The following MCPH1 variants were observed in gnomAD, a reference collection of about 807,000 sequenced individuals.
MCPH1 encodes the protein microcephalin 1.
Under a neutral mutation model 84.5 loss-of-function variants are expected in MCPH1, and 104 were observed. The ratio of observed to expected loss-of-function variants is 1.23; its 90% CI spans 1.05 to 1.45. The LOEUF (loss-of-function observed/expected upper bound fraction) is 1.45. Among genes scored for constraint, MCPH1 ranks in the 40% most tolerant of loss-of-function variants. MCPH1 has a pLI of 0.00. For missense variants in MCPH1, 1,498 were observed against 1,005.7 expected, an observed-to-expected ratio of 1.49 and a Z score of -6.62; for synonymous variants, 514 against 366.8, an observed-to-expected ratio of 1.40 and a Z score of -4.58.
Position 6,512,030 on chromosome 8 carries a change from G to A in MCPH1, c.2214+12101G>A, listed in dbSNP as rs139365350. 3.8e-3 allele frequency among the ~76,000 whole-genome samples: 578 copies of A among 151,416 alleles called. 5 individuals carry two copies. Among genetic ancestry groups the A allele is most frequent in the Admixed American group, 5.1e-3 (77 of 15,198 alleles). On this transcript the variant is annotated intron_variant, in intron 12 of 13. Coordinates refer to ENST00000344683, the MANE Select transcript of MCPH1 (RefSeq NM_024596.5). Reference sequence around the variant, plus strand: ...ATTCATTGAAGTTTTGATCTCTTTGGAGTCAAGTTGGAACTGCTGTGAGGC... The same window carrying A: ...ATTCATTGAAGTTTTGATCTCTTTGAAGTCAAGTTGGAACTGCTGTGAGGC...
chr8:6,541,224 C>T (rs1363556153), intron 12 of MCPH1, among the ~76,000 whole-genome samples: 1 of 152,180 alleles, frequency 6.6e-6, no homozygotes, highest in Non-Finnish European at 1.5e-5. Flanking sequence ...TTCCCTGACA[C>T]AGCAGGGGAT....
At chr8:6,454,039 AAG>A (rs527771768) in intron 8 of MCPH1, among the ~76,000 whole-genome samples, 59 of 152,298 alleles carry the variant, frequency 3.9e-4, no homozygotes, top group Non-Finnish European at 6.8e-4. Flanking sequence ...TGTTTTTGAA[AAG>A]AGTGACAGTT....
intron 9 of MCPH1, among the ~76,000 whole-genome samples, chr8:6,456,379 A>G (rs3020275): frequency 0.28 from 42,437 of 152,154 alleles, 8,088 homozygotes; most frequent in African/African-American, 0.55. Flanking sequence ...GAACGCTCGC[A>G]ACACTGTGGC....
Position 6,499,907 on chromosome 8 carries a change from C to G in MCPH1, c.2192C>G (p.Ser731Cys), listed in dbSNP as rs78564196. Residue 731 changes from serine (S) to cysteine (C), a missense_variant, in exon 12 of 14, where the codon TCT becomes TGT. Physicochemically the swap from Ser to Cys is moderately radical, Grantham distance 112. Coordinates refer to ENST00000344683, the MANE Select transcript of MCPH1 (RefSeq NM_024596.5). ...ATTTCTGAGGAGCCGTTCGAACTGTCTCACCACTTCCCTGCAGCTCCCGTA... is the reference window on the plus strand; with the variant it reads ...ATTTCTGAGGAGCCGTTCGAACTGTGTCACCACTTCCCTGCAGCTCCCGTA... ...HWISEEPFELSHHFPAAPLCR... is the reference protein window; with the variant it reads ...HWISEEPFELCHHFPAAPLCR... The G allele has an allele frequency of 9.3e-6, 15 of 1,613,728 alleles. No individual in the cohort carries two copies. The East Asian group carries it at 1.3e-4, about 14-fold the overall frequency.
intron 5 of MCPH1, among the ~76,000 whole-genome samples, chr8:6,438,053 C>G (rs1026909915): frequency 3.9e-5 from 6 of 152,280 alleles, no homozygotes; most frequent in East Asian, 1.9e-4. Context: ...CTCCAATTTA[C>G]TAGGTGCTTT....
At chr8:6,503,394 A>G (rs1812591463) in intron 12 of MCPH1, 2 of 840,254 alleles carry the variant, frequency 2.4e-6, no homozygotes, top group East Asian at 2.6e-5. Flanking sequence ...GATGGTGAGT[A>G]TAGGATGTGC....
chr8:6,493,205 C>T lies in MCPH1; in HGVS notation c.2137-6647C>T, dbSNP rs572441125. On this transcript the variant is annotated intron_variant, in intron 11 of 13. Transcript: ENST00000344683. ...TACAGTGGTGACATGCTGGGTTTTCCTGGTCATTGCTTAGCTGTATTTATA... is the reference window on the plus strand; with the variant it reads ...TACAGTGGTGACATGCTGGGTTTTCTTGGTCATTGCTTAGCTGTATTTATA... Among the ~76,000 whole-genome samples, 31 of 152,208 alleles carry T rather than the reference C, an allele frequency of 2.0e-4. No individual in the cohort carries two copies. In the South Asian group the frequency reaches 6.4e-3, roughly 32 times the overall value.
At chr8:6,479,685 A>G (rs1808943976) in intron 10 of MCPH1, among the ~76,000 whole-genome samples, 1 of 152,022 alleles carries the variant, frequency 6.6e-6, no homozygotes, top group South Asian at 2.1e-4. Context: ...TCCATTGGGG[A>G]TTTTTTAAAT....
chr8:6,533,812 A>G (rs2129572148), intron 12 of MCPH1, among the ~76,000 whole-genome samples: 1 of 152,196 alleles, frequency 6.6e-6, no homozygotes, highest in Middle Eastern at 3.4e-3. Context: ...ATCAGACATG[A>G]TTTCCCCCAA....
intron 3 of MCPH1, among the ~76,000 whole-genome samples, chr8:6,424,393 G>C (rs1419419268): frequency 6.6e-6 from 1 of 152,148 alleles, no homozygotes; most frequent in African/African-American, 2.4e-5. Flanking sequence ...GTGTTTGCTG[G>C]AAACAGGGAC....
At chr8:6,452,665 G>T (rs928139908) in intron 8 of MCPH1, among the ~76,000 whole-genome samples, 4 of 152,174 alleles carry the variant, frequency 2.6e-5, no homozygotes, top group African/African-American at 9.7e-5. Context: ...ATGAGATTAG[G>T]ACCATTATAA....
At chr8:6,543,002 G>A (rs1821888907) in intron 12 of MCPH1, among the ~76,000 whole-genome samples, 1 of 152,096 alleles carries the variant, frequency 6.6e-6, no homozygotes, top group Non-Finnish European at 1.5e-5. Context: ...AAAGGGAGAG[G>A]AGCGGACTTG....
Position 6,444,318 on chromosome 8 carries a change from A to T in MCPH1, c.671-75A>T, listed in dbSNP as rs545957269. On this transcript the variant is annotated intron_variant, in intron 7 of 13. Transcript: ENST00000344683. ...ATAGCTGTACTTTAAAAGTTGTTTT[A>T]TTGGTCAACTGAAAGTTGAATATAG... The T allele has an allele frequency of 2.6e-6, 4 of 1,554,656 alleles. No homozygotes were observed. In the African/African-American group the frequency reaches 4.1e-5, roughly 16 times the overall value.
chr8:6,608,712 G>C (rs529913372), intron 12 of MCPH1, among the ~76,000 whole-genome samples: 1 of 152,296 alleles, frequency 6.6e-6, no homozygotes, highest in East Asian at 1.9e-4. Context: ...GCTCGGAGTT[G>C]GGGCTGCAGC....
At chr8:6,503,918 G>C (rs999500803) in intron 12 of MCPH1, among the ~76,000 whole-genome samples, 7 of 152,180 alleles carry the variant, frequency 4.6e-5, no homozygotes, top group Non-Finnish European at 1.0e-4. Flanking sequence ...GTTTGTGAGA[G>C]AAAGAAACAC....
intron 12 of MCPH1, chr8:6,514,832 C>G (rs996918467): frequency 3.3e-5 from 49 of 1,480,798 alleles, no homozygotes; most frequent in African/African-American, 6.9e-5. Flanking sequence ...TCCCCCCTTA[C>G]GTAGCAGAAG....
At position 6,541,842 on chromosome 8, in the gene MCPH1, G is replaced by GA. The variant is rs963783348; in HGVS notation, c.2214+41917dup. ...AACATGGCGAGACTCCATCTCTACA[G>GA]AAAATTTTTTTAAAAATTAGCTGGA... On this transcript the variant is annotated intron_variant, in intron 12 of 13. Coordinates refer to ENST00000344683, the MANE Select transcript of MCPH1 (RefSeq NM_024596.5). Among the ~76,000 whole-genome samples the GA allele has an allele frequency of 6.6e-5, 10 of 152,060 alleles. No homozygotes were observed. In the East Asian group the frequency reaches 1.9e-3, roughly 29 times the overall value.
At chr8:6,597,032 T>G (rs1828982618) in intron 12 of MCPH1, among the ~76,000 whole-genome samples, 2 of 152,098 alleles carry the variant, frequency 1.3e-5, no homozygotes, top group African/African-American at 4.8e-5. Context: ...AAGGATGCAA[T>G]GGGGCCAGGT....
intron 4 of MCPH1, among the ~76,000 whole-genome samples, chr8:6,432,079 C>G (rs1380862738): frequency 2.0e-5 from 3 of 152,170 alleles, no homozygotes; most frequent in East Asian, 3.8e-4. Flanking sequence ...GCTCAAGTCC[C>G]TTATATAAAA....
Sources: allele counts gnomAD v4.1 joint callset (sites outside exome capture counted in the v4.1 genomes callset), GRCh38; gene constraint gnomAD v4.1.1; transcripts MANE v1.5; gene names NCBI Gene and HGNC (gene_info 2026-07-23, HGNC 2026-07-21).